RNF180: variants seen among roughly 807,000 people sequenced by gnomAD.
RNF180 encodes the protein E3 ubiquitin-protein ligase RNF180.
A neutral mutation model predicts 59.2 loss-of-function variants in RNF180; 38 were observed. The observed-to-expected ratio is 0.64, with a 90% CI of 0.50 to 0.84. RNF180 has a LOEUF of 0.84. Among genes scored for constraint, RNF180 ranks in the 40% least tolerant of loss-of-function variants. The pLI is 0.00. For missense variants in RNF180, 705 were observed against 700.9 expected (o/e 1.01, Z -0.07); for synonymous variants, 262 against 240.3 (o/e 1.09, Z -0.84).
chr5:64,198,242 A>G (rs751001726), intron 1 of RNF180, among the ~76,000 whole-genome samples: 11 of 152,180 alleles, frequency 7.2e-5, no homozygotes, highest in Non-Finnish European at 1.5e-4. Context: ...CTCAATTTAG[A>G]TAACTCACAT....
intron 1 of RNF180, among the ~76,000 whole-genome samples, chr5:64,187,528 GTCTC>G (rs758298570): frequency 1.2e-4 from 18 of 152,162 alleles, no homozygotes; most frequent in Non-Finnish European, 1.2e-4. Context: ...GAAGACTGTG[GTCTC>G]TCTCTCTGTA....
chr5:64,217,384 G>T lies in RNF180; in HGVS notation c.1215G>T (p.Leu405Phe). Residue 405 changes from leucine (L) to phenylalanine (F), a missense_variant, in exon 5 of 8, where the codon TTG (leucine) becomes TTT (phenylalanine). Leu to Phe is a conservative substitution (Grantham distance 22). Transcript: ENST00000389100. Reference sequence around the variant, plus strand: ...AGGGTAAATACTCAGGAGTGGGATTGCTGGATCATATGGTAAGTATATATT... The same window carrying T: ...AGGGTAAATACTCAGGAGTGGGATTTCTGGATCATATGGTAAGTATATATT... ...QKQGKYSGVGLLDHMTLNNEM... is the reference protein window; with the variant it reads ...QKQGKYSGVGFLDHMTLNNEM... 7.0e-7 allele frequency: 1 copy of T among 1,420,722 alleles called. No individual in the cohort carries two copies. Among genetic ancestry groups the T allele is most frequent in the Non-Finnish European group, 9.2e-7 (1 of 1,081,852 alleles). The allele number at this position is 1,420,722 out of a possible 1,614,324, so 88.0% of individuals were successfully genotyped here.
intron 7 of RNF180, among the ~76,000 whole-genome samples, chr5:64,342,154 G>A (rs1745376313): frequency 6.6e-6 from 1 of 152,012 alleles, no homozygotes; most frequent in African/African-American, 2.4e-5. Context: ...TATAGTAAGT[G>A]GTGGCAAGCG....
chr5:64,227,500 C>T (rs1177886682), intron 5 of RNF180, among the ~76,000 whole-genome samples: 4 of 152,150 alleles, frequency 2.6e-5, no homozygotes, highest in Non-Finnish European at 4.4e-5. Flanking sequence ...TGGTTGTTGG[C>T]CTTTGGTCAC....
intron 5 of RNF180, among the ~76,000 whole-genome samples, chr5:64,251,118 A>T (rs986852488): frequency 6.6e-6 from 1 of 152,218 alleles, no homozygotes; most frequent in African/African-American, 2.4e-5. Context: ...TATTCTTTTG[A>T]TATAGAAAAA....
chr5:64,351,464 G>A (rs555410736), intron 7 of RNF180, among the ~76,000 whole-genome samples: 37 of 152,184 alleles, frequency 2.4e-4, no homozygotes, highest in Non-Finnish European at 4.7e-4. Context: ...GTGAGAGAGG[G>A]CATCCCTGTC....
chr5:64,319,389 T>A (rs1333410257), intron 5 of RNF180, among the ~76,000 whole-genome samples: 1 of 152,156 alleles, frequency 6.6e-6, no homozygotes, highest in Non-Finnish European at 1.5e-5. Context: ...TACTATTGTG[T>A]TAATGTTTAA....
intron 5 of RNF180, among the ~76,000 whole-genome samples, chr5:64,225,761 A>ATG (rs1741691437): frequency 9.4e-6 from 1 of 106,266 alleles, no homozygotes; most frequent in Non-Finnish European, 1.8e-5. Context: ...TTCGTCTGAG[A>ATG]TGTGAGGAGC....
chr5:64,219,223 GT>G (rs11311375), intron 5 of RNF180, among the ~76,000 whole-genome samples: 68,612 of 151,722 alleles, frequency 0.45, 17,026 homozygotes, highest in African/African-American at 0.67. Flanking sequence ...TTCTGTATGA[GT>G]TTGATATGAT....
At chr5:64,275,304 T>A (rs1741653559) in intron 5 of RNF180, among the ~76,000 whole-genome samples, 1 of 142,734 alleles carries the variant, frequency 7.0e-6, no homozygotes, top group East Asian at 2.2e-4. Context: ...ATTTAGAGAA[T>A]AAGATATAGA....
chr5:64,258,181 A>G (rs541059405), intron 5 of RNF180, among the ~76,000 whole-genome samples: 27 of 152,308 alleles, frequency 1.8e-4, no homozygotes, highest in African/African-American at 6.5e-4. Flanking sequence ...TTCTTGTAAC[A>G]TTGGTAGAAT....
intron 2 of RNF180, among the ~76,000 whole-genome samples, chr5:64,208,711 G>C (rs1055239241): frequency 1.3e-5 from 2 of 151,930 alleles, no homozygotes; most frequent in African/African-American, 4.8e-5. Context: ...TTCAGAAAAC[G>C]AAACAATGCT....
intron 7 of RNF180, among the ~76,000 whole-genome samples, chr5:64,365,776 T>TATCA: frequency 6.6e-6 from 1 of 151,486 alleles, no homozygotes; most frequent in Non-Finnish European, 1.5e-5. Context: ...AAAGTCTTTG[T>TATCA]GAAACTATGA....
At chr5:64,171,413 T>C (rs925997306) in intron 1 of RNF180, among the ~76,000 whole-genome samples, 5 of 152,106 alleles carry the variant, frequency 3.3e-5, no homozygotes, top group Admixed American at 2.0e-4. Flanking sequence ...CCTTTTGACA[T>C]GGGAAGGCCT....
At chr5:64,350,059 A>C (rs1745732939) in intron 7 of RNF180, among the ~76,000 whole-genome samples, 1 of 152,176 alleles carries the variant, frequency 6.6e-6, no homozygotes. Context: ...CTATTTCTCC[A>C]CATCCTCCCC....
chr5:64,344,734 A>G (rs1287681814), intron 7 of RNF180, among the ~76,000 whole-genome samples: 2 of 151,990 alleles, frequency 1.3e-5, no homozygotes, highest in African/African-American at 4.8e-5. Flanking sequence ...AACCCAGGAA[A>G]GGCCTCTTTT....
chr5:64,239,138 A>G (rs538017986), intron 5 of RNF180, among the ~76,000 whole-genome samples: 1 of 152,302 alleles, frequency 6.6e-6, no homozygotes, highest in East Asian at 1.9e-4. Context: ...TGACCCATGT[A>G]TATGGTTCTC....
intron 5 of RNF180, among the ~76,000 whole-genome samples, chr5:64,247,213 T>C (rs1018940020): frequency 3.3e-5 from 5 of 152,110 alleles, no homozygotes; most frequent in Admixed American, 6.6e-5. Flanking sequence ...AAGACAAGAA[T>C]GCCCTCTCTC....
intron 2 of RNF180, 68 bp from the exon 3 acceptor site, chr5:64,211,997 T>TA (rs1348329992): frequency 2.2e-6 from 2 of 921,808 alleles, no homozygotes; most frequent in Non-Finnish European, 3.4e-6. Context: ...GAGTTTTACT[T>TA]AAATATGAAA....
Sources: allele counts gnomAD v4.1 joint callset (sites outside exome capture counted in the v4.1 genomes callset), GRCh38; gene constraint gnomAD v4.1.1; transcripts MANE v1.5; gene names NCBI Gene and HGNC (gene_info 2026-07-23, HGNC 2026-07-21).